ATP9B: variants seen among roughly 807,000 people sequenced by gnomAD.
The protein encoded by ATP9B is ATPase phospholipid transporting 9B.
A neutral mutation model predicts 146.1 loss-of-function variants in ATP9B; 110 were observed. That is an observed-to-expected ratio of 0.75 (90% CI 0.65 to 0.88). ATP9B has a LOEUF of 0.88. Among genes scored for constraint, ATP9B ranks in the 40% least tolerant of loss-of-function variants. The pLI, the probability that ATP9B is intolerant of heterozygous loss-of-function variation, is 0.00. For synonymous variants in ATP9B, 604 were observed against 569.7 expected, an observed-to-expected ratio of 1.06 and a Z score of -0.86; for missense variants, 1,499 against 1,496.4, an observed-to-expected ratio of 1.00 and a Z score of -0.03.
chr18:79,148,603 A>T (rs1419967197), intron 6 of ATP9B, among the ~76,000 whole-genome samples: 1 of 152,226 alleles, frequency 6.6e-6, no homozygotes, highest in Non-Finnish European at 1.5e-5. Flanking sequence ...TATCTTGTTT[A>T]AAAAGAATCT....
chr18:79,336,027 G>A (rs996608277), intron 17 of ATP9B, among the ~76,000 whole-genome samples: 11 of 150,476 alleles, frequency 7.3e-5, no homozygotes, highest in Non-Finnish European at 1.0e-4. Context: ...CCCCAGCACC[G>A]CCGTGTGCAC....
chr18:79,173,224 A>G (rs1028151872), intron 7 of ATP9B, among the ~76,000 whole-genome samples: 7 of 152,198 alleles, frequency 4.6e-5, no homozygotes, highest in Non-Finnish European at 7.3e-5. Context: ...TATATTCTAC[A>G]TAGGAGTCCT....
At chr18:79,336,548 A>T (rs2096828128) in intron 17 of ATP9B, 80 bp from the exon 18 acceptor site, 1 of 1,292,026 alleles carries the variant, frequency 7.7e-7, no homozygotes, top group East Asian at 2.4e-5. Flanking sequence ...CAGCAATCAG[A>T]GTGTGGCACT....
At chr18:79,169,464 G>A (rs1393387658) in intron 7 of ATP9B, among the ~76,000 whole-genome samples, 1 of 152,158 alleles carries the variant, frequency 6.6e-6, no homozygotes, top group Non-Finnish European at 1.5e-5. Context: ...GAGCCTGGCT[G>A]GACTGTGTGA....
intron 25 of ATP9B, among the ~76,000 whole-genome samples, chr18:79,349,305 T>C (rs1222889240): frequency 4.6e-5 from 7 of 151,254 alleles, no homozygotes; most frequent in African/African-American, 7.3e-5. Context: ...ACTTGAATAG[T>C]AACAGCCACT....
chr18:79,075,019 C>T (rs1314665884), intron 1 of ATP9B, among the ~76,000 whole-genome samples: 1 of 151,718 alleles, frequency 6.6e-6, no homozygotes, highest in Non-Finnish European at 1.5e-5. Context: ...TTGATTATTA[C>T]CTTTTAGTTA....
At chr18:79,341,800 A>T (rs554187904) in intron 19 of ATP9B, among the ~76,000 whole-genome samples, 138 of 151,814 alleles carry the variant, frequency 9.1e-4, no homozygotes, top group African/African-American at 3.3e-3. Flanking sequence ...TTGTGGTTGG[A>T]TGTGTGTAGC....
chr18:79,128,338 G>A (rs929373987), intron 5 of ATP9B, among the ~76,000 whole-genome samples: 4 of 152,168 alleles, frequency 2.6e-5, no homozygotes, highest in Non-Finnish European at 2.9e-5. Flanking sequence ...GATTACAGGC[G>A]TGAGCCACGC....
chr18:79,076,311 T>G (rs534899877), intron 1 of ATP9B, among the ~76,000 whole-genome samples: 1 of 152,360 alleles, frequency 6.6e-6, no homozygotes, highest in South Asian at 2.1e-4. Flanking sequence ...GTTTCAGTAA[T>G]TCTCTAACTA....
intron 13 of ATP9B, among the ~76,000 whole-genome samples, chr18:79,301,171 A>G (rs2017645162): frequency 6.6e-6 from 1 of 152,062 alleles, no homozygotes; most frequent in Non-Finnish European, 1.5e-5. Context: ...TAGAACTACC[A>G]TTTTTCATCT....
chr18:79,250,446 C>CT lies in ATP9B; in HGVS notation c.1108-2929dup, dbSNP rs200270697. Among the ~76,000 whole-genome samples, 594 of 152,226 alleles carry CT rather than the reference C, an allele frequency of 3.9e-3. 9 individuals are homozygous for CT. The highest frequency in any genetic ancestry group is 0.025 in the Admixed American group (383 of 15,298). On this transcript the variant is annotated intron_variant, in intron 11 of 29. Transcript: ENST00000426216. ...CATCTTTAGGTTGAGGTAATTGAGT[C>CT]TTTTTTCCCTGAGTGAATGAATAAT... is the stretch of plus-strand genomic sequence containing the variant.
At chr18:79,253,864 T>C (rs1421497323) in intron 12 of ATP9B, 4 of 207,712 alleles carry the variant, frequency 1.9e-5, no homozygotes, top group African/African-American at 9.3e-5. Flanking sequence ...TGATAGACTT[T>C]TAAATGTCCA....
intron 12 of ATP9B, among the ~76,000 whole-genome samples, chr18:79,273,481 C>G (rs1005501095): frequency 3.9e-5 from 6 of 152,186 alleles, no homozygotes; most frequent in Non-Finnish European, 7.3e-5. Context: ...TTAATTTCTT[C>G]GGTAAAACTT....
chr18:79,180,865 T>C (rs1355828896), intron 8 of ATP9B, among the ~76,000 whole-genome samples: 2 of 152,106 alleles, frequency 1.3e-5, no homozygotes, highest in East Asian at 3.9e-4. Flanking sequence ...CAATCTCGAC[T>C]CACTGCAGTC....
chr18:79,083,577 C>T (rs1162065141), intron 1 of ATP9B, among the ~76,000 whole-genome samples: 1 of 152,142 alleles, frequency 6.6e-6, no homozygotes, highest in Non-Finnish European at 1.5e-5. Context: ...ATTGCGAAGA[C>T]CATGGGAAGT....
intron 29 of ATP9B, chr18:79,376,388 CATTTT>C: frequency 2.2e-6 from 2 of 890,902 alleles, no homozygotes; most frequent in Non-Finnish European, 2.7e-6. Context: ...CATCTGCAAC[CATTTT>C]TTTTTTTTTT....
chr18:79,331,646 T>C (rs2096790622), intron 17 of ATP9B, among the ~76,000 whole-genome samples: 1 of 152,042 alleles, frequency 6.6e-6, no homozygotes, highest in Non-Finnish European at 1.5e-5. Context: ...CGAGCTGGAG[T>C]TAAAAGTGTA....
intron 7 of ATP9B, among the ~76,000 whole-genome samples, chr18:79,160,415 T>G (rs1238554982): frequency 6.6e-6 from 1 of 152,234 alleles, no homozygotes; most frequent in African/African-American, 2.4e-5. Context: ...ACCTACTTAT[T>G]TATGATTTAT....
intron 15 of ATP9B, among the ~76,000 whole-genome samples, chr18:79,327,950 T>G (rs1378560493): frequency 1.4e-4 from 17 of 122,340 alleles, no homozygotes; most frequent in Admixed American, 3.3e-4. Flanking sequence ...CTCTCCGTGG[T>G]TAGCGTGCTC....
Sources: gnomAD v4.1 joint callset for allele counts (sites outside exome capture counted in the v4.1 genomes callset) on GRCh38, gnomAD v4.1.1 for gene constraint, MANE v1.5 for transcripts, NCBI Gene and HGNC (gene_info 2026-07-23, HGNC 2026-07-21) for gene names.